PIK3CB: variants seen among roughly 807,000 people sequenced by gnomAD.
PIK3CB encodes the protein phosphatidylinositol-4,5-bisphosphate 3-kinase catalytic subunit beta, also known as phosphatidylinositol 4,5-bisphosphate 3-kinase catalytic subunit beta isoform.
PIK3CB carries 39 observed loss-of-function variants against 136.8 expected under a neutral mutation model. The ratio of observed to expected loss-of-function variants is 0.29; its 90% CI spans 0.22 to 0.37. The LOEUF (loss-of-function observed/expected upper bound fraction) is 0.37, where lower values mean the gene tolerates loss of function less well. PIK3CB is among the 10% of genes least tolerant of loss of function. The pLI is 1.00. For missense variants in PIK3CB, 868 were observed against 1,275.4 expected (o/e 0.68, Z 4.87); for synonymous variants, 428 against 436.6 (o/e 0.98, Z 0.25).
intron 4 of PIK3CB, among the ~76,000 whole-genome samples, chr3:138,748,741 C>G (rs1405108973): frequency 6.6e-6 from 1 of 152,050 alleles, no homozygotes; most frequent in Non-Finnish European, 1.5e-5. Context: ...TCTGAAAATT[C>G]AAAAGGAAGA....
intron 12 of PIK3CB, 137 bp downstream of exon 12, chr3:138,704,306 T>C (rs2044317801): frequency 2.9e-6 from 2 of 698,774 alleles, no homozygotes; most frequent in Admixed American, 2.2e-5. Context: ...CACTATCATG[T>C]GCATACTTAC....
At chr3:138,736,265 A>G (rs1042450692) in intron 6 of PIK3CB, among the ~76,000 whole-genome samples, 9 of 152,176 alleles carry the variant, frequency 5.9e-5, no homozygotes, top group Non-Finnish European at 8.8e-5. Context: ...AGCTGTGCAC[A>G]TAAGTTATAA....
At position 138,834,900 on chromosome 3, in the gene PIK3CB, G is replaced by C. The variant is rs1934202492; in HGVS notation, c.-327C>G. On this transcript the variant is annotated 5_prime_UTR_variant, in exon 1 of 24. Transcript: ENST00000674063. Reference sequence around the variant, plus strand: ...CCGCACAGGCCGACAGAGCACGCGCGCGCCGCCGCCGAACCCGCGCCCGTG... The same window carrying C: ...CCGCACAGGCCGACAGAGCACGCGCCCGCCGCCGCCGAACCCGCGCCCGTG... 6.6e-6 allele frequency: 1 copy of C among 150,900 alleles called. No individual in the cohort carries two copies. The highest frequency in any genetic ancestry group is 1.5e-5 in the Non-Finnish European group (1 of 67,650). The allele number at this position is 150,900 out of a possible 1,614,324, so 9.3% of individuals were successfully genotyped here.
At chr3:138,704,701 T>C (rs962709335) in intron 11 of PIK3CB, among the ~76,000 whole-genome samples, 13 of 152,090 alleles carry the variant, frequency 8.5e-5, no homozygotes, top group Admixed American at 3.9e-4. Context: ...TAAGGGATTA[T>C]GACTCCTAGG....
chr3:138,813,664 G>A (rs1351808011), intron 1 of PIK3CB, among the ~76,000 whole-genome samples: 6 of 151,778 alleles, frequency 4.0e-5, no homozygotes, highest in African/African-American at 9.7e-5. Flanking sequence ...TGATCTGCCC[G>A]CCTCGGTCTC....
intron 2 of PIK3CB, among the ~76,000 whole-genome samples, chr3:138,769,396 G>A (rs566500176): frequency 2.6e-5 from 4 of 152,302 alleles, no homozygotes; most frequent in African/African-American, 9.6e-5. Flanking sequence ...GAAGGGTAAA[G>A]AAGCTCTAAG....
chr3:138,749,572 T>C (rs540288318), intron 4 of PIK3CB, among the ~76,000 whole-genome samples: 4 of 152,358 alleles, frequency 2.6e-5, no homozygotes, highest in African/African-American at 9.6e-5. Context: ...GCTCTGCAGA[T>C]GGCTGCCTCT....
intron 19 of PIK3CB, 81 bp downstream of exon 19, chr3:138,681,886 G>A (rs527699945): frequency 1.3e-6 from 1 of 758,632 alleles, no homozygotes; most frequent in East Asian, 2.7e-5. Flanking sequence ...AGAACAAGAG[G>A]GAAGGAATTA....
chr3:138,745,595 T>C (rs1454840786), intron 4 of PIK3CB, among the ~76,000 whole-genome samples: 1 of 152,074 alleles, frequency 6.6e-6, no homozygotes, highest in Non-Finnish European at 1.5e-5. Context: ...ATCGCACCCC[T>C]GCACTGCAGC....
chr3:138,674,733 T>C (rs1032892313), intron 19 of PIK3CB, among the ~76,000 whole-genome samples: 1 of 152,210 alleles, frequency 6.6e-6, no homozygotes, highest in African/African-American at 2.4e-5. Flanking sequence ...ATTTTAAACA[T>C]GTTCAAAGAA....
At chr3:138,671,510 G>GA (rs1372907994) in intron 19 of PIK3CB, among the ~76,000 whole-genome samples, 1 of 152,030 alleles carries the variant, frequency 6.6e-6, no homozygotes, top group East Asian at 1.9e-4. Flanking sequence ...AAAAAAGAAA[G>GA]AAAAAAAGAC....
chr3:138,653,439 T>A lies in PIK3CB; in HGVS notation c.*1950A>T. 5.7e-6 allele frequency: 1 copy of A among 176,524 alleles called. No homozygotes were observed. 10.9% of individuals were successfully genotyped at this position (176,524 alleles called of 1,614,324 possible). ...TTGAACTTCACTGATTTGGCATGTA[T>A]TTATCAAGGCCCTCCTTTTGGCTGA... On this transcript the variant is annotated 3_prime_UTR_variant, in exon 24 of 24. Coordinates refer to ENST00000674063, the MANE Select transcript of PIK3CB (RefSeq NM_006219.3).
At chr3:138,774,946 T>C (rs1420711682) in intron 2 of PIK3CB, among the ~76,000 whole-genome samples, 5 of 152,256 alleles carry the variant, frequency 3.3e-5, no homozygotes, top group Non-Finnish European at 5.9e-5. Flanking sequence ...CTTTGCATGA[T>C]GGTTTAAGTT....
At chr3:138,784,211 C>G (rs1399702863) in intron 2 of PIK3CB, among the ~76,000 whole-genome samples, 1 of 152,126 alleles carries the variant, frequency 6.6e-6, no homozygotes, top group Non-Finnish European at 1.5e-5. Context: ...CATGGTGAAA[C>G]CCCATCTCTA....
At chr3:138,830,299 C>A (rs1012847860) in intron 1 of PIK3CB, among the ~76,000 whole-genome samples, 2 of 152,190 alleles carry the variant, frequency 1.3e-5, no homozygotes, top group African/African-American at 4.8e-5. Context: ...TCTGTAATCC[C>A]AGCACTTTGG....
intron 4 of PIK3CB, among the ~76,000 whole-genome samples, chr3:138,745,532 C>T (rs889957572): frequency 5.3e-5 from 8 of 152,026 alleles, no homozygotes; most frequent in African/African-American, 1.7e-4. Context: ...ACTTGGGGGG[C>T]TGAGGCAGGA....
At chr3:138,730,449 T>G (rs1022810470) in intron 8 of PIK3CB, among the ~76,000 whole-genome samples, 2 of 152,158 alleles carry the variant, frequency 1.3e-5, no homozygotes, top group Non-Finnish European at 2.9e-5. Flanking sequence ...AAAGAACTGA[T>G]AAATTATCTA....
intron 2 of PIK3CB, among the ~76,000 whole-genome samples, chr3:138,767,244 A>C (rs952500426): frequency 3.9e-5 from 6 of 152,156 alleles, no homozygotes; most frequent in African/African-American, 1.4e-4. Context: ...GAAAATTCAA[A>C]AATCATGTTT....
At chr3:138,719,294 G>T (rs1191225155) in intron 8 of PIK3CB, among the ~76,000 whole-genome samples, 1 of 128,480 alleles carries the variant, frequency 7.8e-6, no homozygotes, top group African/African-American at 3.1e-5. Context: ...CACCCAGGCT[G>T]CAGTGCAGTG....
Sources: allele counts gnomAD v4.1 joint callset (sites outside exome capture counted in the v4.1 genomes callset), GRCh38; gene constraint gnomAD v4.1.1; transcripts MANE v1.5; gene names NCBI Gene and HGNC (gene_info 2026-07-23, HGNC 2026-07-21).